Variants in KHDRBS2 observed in about 807,000 individuals in gnomAD.
KHDRBS2 encodes the protein KH domain-containing, RNA-binding, signal transduction-associated protein 2.
In KHDRBS2, 26 loss-of-function variants were observed where a neutral mutation model predicts 44.3. That is an observed-to-expected ratio of 0.59 (90% CI 0.43 to 0.81). KHDRBS2 has a LOEUF of 0.81. Ranked by LOEUF, KHDRBS2 falls within the 40% of genes least tolerant of loss-of-function variation. The pLI is 0.00. For missense variants in KHDRBS2, 476 were observed against 433.1 expected (o/e 1.10, Z -0.88); for synonymous variants, 194 against 151.1 (o/e 1.28, Z -2.08).
chr6:62,269,897 C>T (rs1347896989), intron 1 of KHDRBS2, among the ~76,000 whole-genome samples: 1 of 152,000 alleles, frequency 6.6e-6, no homozygotes, highest in South Asian at 2.1e-4. Context: ...TACTTCTCAG[C>T]TATAAAAGAA....
downstream of KHDRBS2, among the ~76,000 whole-genome samples, chr6:61,675,602 A>G (rs949286339): frequency 6.6e-6 from 1 of 151,800 alleles, no homozygotes; most frequent in African/African-American, 2.4e-5. Flanking sequence ...TAGTGACCTC[A>G]GGGCACTATA....
chr6:61,855,658 G>GTT (rs373064735), intron 6 of KHDRBS2, among the ~76,000 whole-genome samples: 2 of 150,646 alleles, frequency 1.3e-5, no homozygotes, highest in African/African-American at 4.9e-5. Flanking sequence ...GTTTTGTTTT[G>GTT]TTGTTTTTCC....
Position 62,184,071 on chromosome 6 carries a change from A to G in KHDRBS2, c.92-6759T>C, listed in dbSNP as rs545403322. Among the ~76,000 whole-genome samples, 5 of 151,850 alleles carry G rather than the reference A, an allele frequency of 3.3e-5. No individual in the cohort carries two copies. In the South Asian group the frequency reaches 1.0e-3, roughly 31 times the overall value. On this transcript the variant is annotated intron_variant, in intron 1 of 8. Coordinates refer to ENST00000281156, the MANE Select transcript of KHDRBS2 (RefSeq NM_152688.4). Reference sequence around the variant, plus strand: ...TTTTTGTATTTGAATACAGAACCAAACTTTTAATAATTAGTGTTAATAGAA... The same window carrying G: ...TTTTTGTATTTGAATACAGAACCAAGCTTTTAATAATTAGTGTTAATAGAA...
chr6:62,058,071 TTTC>T (rs1790699578), intron 2 of KHDRBS2, among the ~76,000 whole-genome samples: 2 of 151,944 alleles, frequency 1.3e-5, no homozygotes, highest in Middle Eastern at 3.2e-3. Context: ...TAAAACATCT[TTTC>T]TTTTTTTACA....
At position 61,740,409 on chromosome 6, in the gene KHDRBS2, T is replaced by G. The variant is rs369680268; in HGVS notation, c.811-7645A>C. ...AGGGTCAGGTCTGAATTGTTTTCTA[T>G]AACATGGTAAAGGGTTTATCTATAT... On this transcript the variant is annotated intron_variant, in intron 6 of 8. Coordinates refer to ENST00000281156, the MANE Select transcript of KHDRBS2 (RefSeq NM_152688.4). Among the ~76,000 whole-genome samples, 71 of 152,018 alleles carry G rather than the reference T, an allele frequency of 4.7e-4. 1 individual carries two copies. Among genetic ancestry groups the G allele is most frequent in the East Asian group, 3.7e-3 (19 of 5,172 alleles).
intron 2 of KHDRBS2, among the ~76,000 whole-genome samples, chr6:62,155,368 G>C (rs1259458279): frequency 6.6e-6 from 1 of 152,176 alleles, no homozygotes; most frequent in Non-Finnish European, 1.5e-5. Context: ...CATTCAGGTG[G>C]AGATATCAAC....
intron 2 of KHDRBS2, among the ~76,000 whole-genome samples, chr6:62,076,293 ACTCAT>A (rs1284481009): frequency 4.6e-5 from 7 of 152,008 alleles, no homozygotes; most frequent in African/African-American, 1.4e-4. Context: ...CAAAAGGAGA[ACTCAT>A]CTCATCTTAA....
the KHDRBS2 span, among the ~76,000 whole-genome samples, chr6:61,655,628 T>C: frequency 3.9e-5 from 6 of 152,048 alleles, no homozygotes; most frequent in Non-Finnish European, 8.8e-5. Context: ...AGGGAACGTG[T>C]CCATGCACAA....
chr6:62,245,013 T>C (rs1408247848), intron 1 of KHDRBS2, among the ~76,000 whole-genome samples: 1 of 151,930 alleles, frequency 6.6e-6, no homozygotes, highest in African/African-American at 2.4e-5. Context: ...ATATAATATT[T>C]TACAAGTTCT....
the KHDRBS2 span, among the ~76,000 whole-genome samples, chr6:61,605,000 C>T: frequency 1.3e-5 from 2 of 152,220 alleles, no homozygotes; most frequent in East Asian, 1.9e-4. Context: ...CCTTACCATC[C>T]TCAATCTTCA....
intron 6 of KHDRBS2, among the ~76,000 whole-genome samples, chr6:61,831,490 G>A (rs559676983): frequency 1.2e-4 from 18 of 151,936 alleles, no homozygotes; most frequent in Middle Eastern, 3.4e-3. Context: ...TTAAAGGGTC[G>A]TTTGAAAGGT....
chr6:61,882,518 T>C (rs1326065438), intron 6 of KHDRBS2, among the ~76,000 whole-genome samples: 1 of 152,044 alleles, frequency 6.6e-6, no homozygotes, highest in African/African-American at 2.4e-5. Flanking sequence ...CCTTTCTGTG[T>C]CCTTCCTCTA....
At chr6:61,648,452 G>C in the KHDRBS2 span, among the ~76,000 whole-genome samples, 1 of 152,040 alleles carries the variant, frequency 6.6e-6, no homozygotes, top group African/African-American at 2.4e-5. Context: ...ATCATCATGA[G>C]CCTTTTCCAC....
chr6:62,118,431 G>C (rs1199526324), intron 2 of KHDRBS2, among the ~76,000 whole-genome samples: 1 of 152,060 alleles, frequency 6.6e-6, no homozygotes, highest in African/African-American at 2.4e-5. Context: ...TTATTGCTAA[G>C]GAGAATGTCA....
chr6:61,783,467 G>A (rs1783330456), intron 6 of KHDRBS2, among the ~76,000 whole-genome samples: 1 of 152,024 alleles, frequency 6.6e-6, no homozygotes, highest in Non-Finnish European at 1.5e-5. Flanking sequence ...CTAGCATGTA[G>A]CAAGCACTCA....
At chr6:61,901,726 A>G (rs1177139372) in intron 4 of KHDRBS2, among the ~76,000 whole-genome samples, 3 of 152,158 alleles carry the variant, frequency 2.0e-5, no homozygotes, top group Admixed American at 6.5e-5. Context: ...GATTACTACA[A>G]AATAACTTCA....
chr6:62,214,713 T>G (rs1829679777), intron 1 of KHDRBS2, among the ~76,000 whole-genome samples: 1 of 151,982 alleles, frequency 6.6e-6, no homozygotes, highest in African/African-American at 2.4e-5. Flanking sequence ...AAGAGGAAAC[T>G]GGATGAGCAT....
chr6:61,639,243 A>G, the KHDRBS2 span, among the ~76,000 whole-genome samples: 1 of 152,070 alleles, frequency 6.6e-6, no homozygotes, highest in Admixed American at 6.6e-5. Flanking sequence ...GACACTGTTC[A>G]AGCTTTTTAG....
At chr6:61,868,915 G>A (rs1306821072) in intron 6 of KHDRBS2, among the ~76,000 whole-genome samples, 1 of 152,164 alleles carries the variant, frequency 6.6e-6, no homozygotes, top group Non-Finnish European at 1.5e-5. Context: ...TTGCTGAGCC[G>A]CTGCTCTGCT....
Sources: gnomAD v4.1 joint callset for allele counts (sites outside exome capture counted in the v4.1 genomes callset) on GRCh38, gnomAD v4.1.1 for gene constraint, MANE v1.5 for transcripts, NCBI Gene and HGNC (gene_info 2026-07-23, HGNC 2026-07-21) for gene names.